Variants in CSF3R observed in about 807,000 individuals in gnomAD.
CSF3R encodes granulocyte colony-stimulating factor receptor.
Under a neutral mutation model 84.4 loss-of-function variants are expected in CSF3R, and 52 were observed. That is an observed-to-expected ratio of 0.62 (90% CI 0.49 to 0.78). CSF3R has a LOEUF of 0.78. Among genes scored for constraint, CSF3R ranks in the 30% least tolerant of loss-of-function variants. The probability of loss-of-function intolerance (pLI) is 0.00; values close to 1 mark genes in which losing one functional copy is unlikely to be tolerated. For missense variants in CSF3R, 890 were observed against 1,055.7 expected, an observed-to-expected ratio of 0.84 and a Z score of 2.17; for synonymous variants, 384 against 429.1, an observed-to-expected ratio of 0.89 and a Z score of 1.30.
chr1:36,473,208 G>A (rs1351709930), intron 6 of CSF3R: 2 of 592,098 alleles, frequency 3.4e-6, no homozygotes, highest in African/African-American at 3.7e-5. Flanking sequence ...CACGCTGAAA[G>A]CATGACTGAA....
intron 2 of CSF3R, 40 bp downstream of exon 2, chr1:36,481,438 A>G (rs1298792629): frequency 1.3e-5 from 2 of 152,288 alleles, no homozygotes; most frequent in Non-Finnish European, 2.9e-5. Flanking sequence ...CCCAGCTCAG[A>G]TTCAGGTCAC....
Position 36,469,399 on chromosome 1 carries a change from T to C in CSF3R, c.1475-142A>G, listed in dbSNP as rs573147189. On this transcript the variant is annotated intron_variant, in intron 11 of 16. Coordinates refer to ENST00000373106, the MANE Select transcript of CSF3R (RefSeq NM_000760.4). Reference sequence around the variant, plus strand: ...TCCACAATATCTTCTTTAGATCATTTGATGAGAATTAGGGAAGAAAAGTGG... The same window carrying C: ...TCCACAATATCTTCTTTAGATCATTCGATGAGAATTAGGGAAGAAAAGTGG... The C allele has an allele frequency of 7.6e-5, 60 of 793,288 alleles. No individual in the cohort carries two copies. The African/African-American group carries it at 8.6e-4, about 11-fold the overall frequency. The allele number at this position is 793,288 out of a possible 1,614,324, so 49.1% of individuals were successfully genotyped here.
chr1:36,475,732 A>C, intron 3 of CSF3R, 59 bp from the exon 4 acceptor site: 1 of 1,530,368 alleles, frequency 6.5e-7, no homozygotes, highest in Admixed American at 1.9e-5. Context: ...CTGGGCTATA[A>C]TCTAGGCCTT....
Position 36,466,064 on chromosome 1 carries a change from A to G in CSF3R, c.*293T>C. 1 of 1,613,990 alleles carries G rather than the reference A, an allele frequency of 6.2e-7. No individual in the cohort carries two copies. The highest frequency in any genetic ancestry group is 1.1e-5 in the South Asian group (1 of 91,020). The stretch of plus-strand genomic sequence containing the variant: ...CAGGTACACCCAAGAGTGTCTATAA[A>G]CAACAACAAAAACTGCAAACCAAAA... On this transcript the variant is annotated 3_prime_UTR_variant, in exon 17 of 17. Coordinates refer to ENST00000373106, the MANE Select transcript of CSF3R (RefSeq NM_000760.4). This position sits in a 1 kb window ranked among gnomAD's most constrained non-coding sequence, Gnocchi z 4.6.
chr1:36,470,662 T>C (rs1353028868), intron 10 of CSF3R, among the ~76,000 whole-genome samples: 2 of 152,216 alleles, frequency 1.3e-5, no homozygotes. Flanking sequence ...TGATTATTAG[T>C]CCCACCTTGC....
At chr1:36,474,336 G>C (rs1454959723) in intron 4 of CSF3R, among the ~76,000 whole-genome samples, 1 of 150,686 alleles carries the variant, frequency 6.6e-6, no homozygotes, top group Non-Finnish European at 1.5e-5. Context: ...GCTCAGAACA[G>C]TGCCTAACTT....
In CSF3R at chr1:36,475,492, G is replaced by A. The variant is rs867190665; in HGVS notation, c.246C>T (p.Thr82=). ...GGGGCAGGGTGATGATAGATTCCTG[G>A]GTCCCATCAGACAGACGCTGCTGCC... The part of the protein sequence containing the change: ...GGRQQRLSDG[T]QESIITLPHL... The change falls in exon 4 of 17, where the codon ACC becomes ACT. Residue 82 remains threonine (T), a synonymous_variant. Coordinates refer to ENST00000373106, the MANE Select transcript of CSF3R (RefSeq NM_000760.4). The A allele has an allele frequency of 3.7e-6, 6 of 1,614,106 alleles. No individual in the cohort carries two copies. In the Middle Eastern group the frequency reaches 8.3e-4, roughly 222 times the overall value.
chr1:36,469,038 C>G (rs1271239732), intron 12 of CSF3R, 118 bp downstream of exon 12: 3 of 774,242 alleles, frequency 3.9e-6, no homozygotes, highest in Middle Eastern at 3.5e-4. Flanking sequence ...AGATCCTCTC[C>G]AGGGCTGGAA....
At chr1:36,468,326 G>A in intron 12 of CSF3R, 105 bp from the exon 13 acceptor site, 1 of 1,229,856 alleles carries the variant, frequency 8.1e-7, no homozygotes, top group Non-Finnish European at 1.1e-6. Context: ...TGAGAAAAGA[G>A]TCCAAGGGGA....
At position 36,467,317 on chromosome 1, in the gene CSF3R, G is replaced by A. The variant is rs370471298; in HGVS notation, c.1959-6C>T. 21 of 1,614,024 alleles carry A rather than the reference G, an allele frequency of 1.3e-5. No homozygotes were observed. The highest frequency in any genetic ancestry group is 4.0e-5 in the African/African-American group (3 of 74,946). On this transcript the variant is annotated splice_region_variant and splice_polypyrimidine_tract_variant and intron_variant, in intron 15 of 16. Coordinates refer to ENST00000373106, the MANE Select transcript of CSF3R (RefSeq NM_000760.4). This position sits in a 1 kb window ranked among gnomAD's most constrained non-coding sequence, Gnocchi z 4.1. ...GCCAGAGGGGATTCTTCCTGCTGGA[G>A]AAGGGGGCAGGTGGAGGCTGAGTCA...
chr1:36,469,210 A>G lies in CSF3R; in HGVS notation c.1522T>C (p.Tyr508His), dbSNP rs1180227540. ...TGGGAGGGTCCCATGGTGTCCTGGT[A>G]CAAGGGAGTCACGATGATCTCATAG... is the stretch of plus-strand genomic sequence containing the variant. Reference protein sequence around the residue: ...QLYEIIVTPLYQDTMGPSQHV... With the variant: ...QLYEIIVTPLHQDTMGPSQHV... Residue 508 changes from tyrosine to histidine, a missense_variant, in exon 12 of 17, where the codon TAC (tyrosine) becomes CAC (histidine). Coordinates refer to ENST00000373106, the MANE Select transcript of CSF3R (RefSeq NM_000760.4). 42 of 1,614,044 alleles carry G rather than the reference A, an allele frequency of 2.6e-5. No homozygotes were observed. Among genetic ancestry groups the G allele is most frequent in the Non-Finnish European group, 3.4e-5 (40 of 1,180,008 alleles).
intron 2 of CSF3R, among the ~76,000 whole-genome samples, chr1:36,481,076 G>A (rs1651489646): frequency 2.0e-5 from 3 of 152,188 alleles, no homozygotes; most frequent in African/African-American, 4.8e-5. Context: ...CGCAACACTG[G>A]TTGGGGAAGA....
chr1:36,482,970 G>A (rs532959926), upstream of CSF3R: 6 of 152,200 alleles, frequency 3.9e-5, no homozygotes, highest in African/African-American at 7.2e-5. Flanking sequence ...AACACCTTCC[G>A]AGCCTCCCTC....
chr1:36,470,044 G>A (rs934365657), intron 10 of CSF3R, among the ~76,000 whole-genome samples: 2 of 152,186 alleles, frequency 1.3e-5, no homozygotes, highest in Non-Finnish European at 2.9e-5. Flanking sequence ...CAGATTAAAT[G>A]ACTTGATGCA....
chr1:36,474,207 A>C (rs993867823), intron 4 of CSF3R, among the ~76,000 whole-genome samples: 1 of 152,048 alleles, frequency 6.6e-6, no homozygotes, highest in African/African-American at 2.4e-5. Context: ...TAGCCCTGTG[A>C]TCTTGAAGTT....
At chr1:36,471,849 G>T in intron 9 of CSF3R, 1 of 683,982 alleles carries the variant, frequency 1.5e-6, no homozygotes, top group Non-Finnish European at 2.5e-6. Context: ...GGTGGACACA[G>T]CAGGCTCTTA....
chr1:36,471,347 A>G, intron 10 of CSF3R, 86 bp downstream of exon 10: 1 of 1,358,414 alleles, frequency 7.4e-7, no homozygotes, highest in Non-Finnish European at 1.0e-6. Context: ...GCGCCCGGCC[A>G]ATAGGACTAG....
rs1651090445 is a variant in CSF3R, at chr1:36,475,623, C to T, written c.115G>A (p.Gly39Arg). The T allele has an allele frequency of 6.2e-7, 1 of 1,606,996 alleles. No individual in the cohort carries two copies. Among genetic ancestry groups the T allele is most frequent in the African/African-American group, 1.3e-5 (1 of 74,752 alleles). The part of the protein sequence containing the change: ...ISVSAPIVHL[G>R]DPITASCIIK... ...ATGCAGGAGGCTGTGATGGGATCCC[C>T]CAGGTGGACGATGGGGGCTGAGACA... Residue 39 changes from glycine (G) to arginine (R), a missense_variant, in exon 4 of 17, where the codon GGG (glycine) becomes AGG (arginine). Transcript: ENST00000373106.
At chr1:36,469,586 C>G (rs530239898) in intron 11 of CSF3R, 66 bp downstream of exon 11, 2 of 1,582,226 alleles carry the variant, frequency 1.3e-6, no homozygotes, top group African/African-American at 2.7e-5. Flanking sequence ...TGTCCCATGC[C>G]TATTGTCAGA....
Sources: gnomAD v4.1 joint callset for allele counts (sites outside exome capture counted in the v4.1 genomes callset) on GRCh38, gnomAD v4.1.1 for gene constraint, Gnocchi (gnomAD v3.1) non-coding constraint, MANE v1.5 for transcripts, NCBI Gene and HGNC (gene_info 2026-07-23, HGNC 2026-07-21) for gene names.